SYT14: variants seen among roughly 807,000 people sequenced by gnomAD.
SYT14 encodes the protein synaptotagmin-14.
In SYT14, 32 loss-of-function variants were observed where a neutral mutation model predicts 74.2. That is an observed-to-expected ratio of 0.43 (90% CI 0.33 to 0.58). The LOEUF (loss-of-function observed/expected upper bound fraction) is 0.58. Ranked by LOEUF, SYT14 falls within the 20% of genes least tolerant of loss-of-function variation. SYT14 has a pLI of 0.05. For missense variants in SYT14, 791 were observed against 981.8 expected (o/e 0.81, Z 2.60); for synonymous variants, 298 against 337.7 (o/e 0.88, Z 1.29).
chr1:210,002,261 G>A (rs2079914905), intron 2 of SYT14, among the ~76,000 whole-genome samples: 1 of 151,950 alleles, frequency 6.6e-6, no homozygotes, highest in Non-Finnish European at 1.5e-5. Flanking sequence ...AAGCCCCCGT[G>A]CACTCTTCCT....
chr1:210,098,534 GAGAC>G (rs2082006228), intron 6 of SYT14, among the ~76,000 whole-genome samples: 2 of 152,118 alleles, frequency 1.3e-5, no homozygotes, highest in African/African-American at 4.8e-5. Context: ...TGAGAAGAGT[GAGAC>G]AGAGAGTAGA....
chr1:210,146,728 G>A (rs908260888), intron 7 of SYT14, among the ~76,000 whole-genome samples: 11 of 150,696 alleles, frequency 7.3e-5, no homozygotes, highest in South Asian at 2.1e-4. Context: ...ATGTACATAC[G>A]TAGTATATGT....
At chr1:210,147,235 T>C (rs752848167) in intron 7 of SYT14, among the ~76,000 whole-genome samples, 7 of 152,036 alleles carry the variant, frequency 4.6e-5, no homozygotes, top group Non-Finnish European at 1.0e-4. Context: ...ATTGAACTTC[T>C]AGAATGAAAA....
intron 5 of SYT14, among the ~76,000 whole-genome samples, chr1:210,038,741 C>G (rs1467319574): frequency 6.6e-6 from 1 of 151,942 alleles, no homozygotes; most frequent in Non-Finnish European, 1.5e-5. Context: ...AAAATGGGAC[C>G]CCACTCTCTT....
chr1:209,989,671 A>G (rs1294942978), intron 2 of SYT14, among the ~76,000 whole-genome samples: 1 of 152,174 alleles, frequency 6.6e-6, no homozygotes, highest in Admixed American at 6.5e-5. Context: ...ATATTTACGT[A>G]GAAGTTAAAT....
chr1:210,047,913 C>CA (rs1438835020), intron 5 of SYT14, among the ~76,000 whole-genome samples: 1 of 152,132 alleles, frequency 6.6e-6, no homozygotes, highest in East Asian at 1.9e-4. Flanking sequence ...GAGATGTCTT[C>CA]AGTGTGTTAC....
chr1:210,038,753 T>C (rs1174761497), intron 5 of SYT14, among the ~76,000 whole-genome samples: 1 of 152,136 alleles, frequency 6.6e-6, no homozygotes, highest in Non-Finnish European at 1.5e-5. Flanking sequence ...CACTCTCTTC[T>C]TGCTTATACA....
intron 2 of SYT14, among the ~76,000 whole-genome samples, chr1:209,988,942 C>T (rs2079617711): frequency 6.6e-6 from 1 of 152,192 alleles, no homozygotes; most frequent in Admixed American, 6.5e-5. Context: ...AACTTGAGCA[C>T]ACTTGGCTTC....
intron 7 of SYT14, among the ~76,000 whole-genome samples, chr1:210,128,508 A>G (rs1209722248): frequency 6.6e-6 from 1 of 152,216 alleles, no homozygotes; most frequent in Non-Finnish European, 1.5e-5. Flanking sequence ...TTTAATAAGA[A>G]CTTAGACTTG....
chr1:210,139,278 T>TTTTTTTTTTG (rs2082864767), intron 7 of SYT14, among the ~76,000 whole-genome samples: 1 of 147,800 alleles, frequency 6.8e-6, no homozygotes, highest in South Asian at 2.1e-4. Flanking sequence ...TTTTTTTTTT[T>TTTTTTTTTTG]TTTTTTTTTG....
Position 210,019,098 on chromosome 1 carries a change from T to C in SYT14, c.1097-1941T>C, listed in dbSNP as rs1358393066. ...TTGCAGTGAGCTGAGATCACGCCAC[T>C]GCACTCCAGACTGGCAACAGGGTGA... On this transcript the variant is annotated intron_variant, in intron 4 of 9. Coordinates refer to ENST00000637265, the Ensembl canonical transcript of SYT14. 1.2e-4 allele frequency among the ~76,000 whole-genome samples: 14 copies of C among 116,180 alleles called. No individual in the cohort carries two copies. The Admixed American group carries it at 1.6e-3, about 13-fold the overall frequency. 76.2% of individuals were successfully genotyped at this position (116,180 alleles called of 152,430 possible).
chr1:210,165,938 CAAGTGCTACAG>C (rs2083450899), exon 10 of SYT14: 1 of 152,112 alleles, frequency 6.6e-6, no homozygotes, highest in African/African-American at 2.4e-5. Context: ...GTTGTTGTTC[CAAGTGCTACAG>C]ATGCAGAGAT....
At chr1:210,116,337 GTTTTT>G (rs1351975777) in intron 7 of SYT14, among the ~76,000 whole-genome samples, 8 of 151,990 alleles carry the variant, frequency 5.3e-5, no homozygotes, top group African/African-American at 1.9e-4. Context: ...AACTTGTTTT[GTTTTT>G]GTTTTGTTTT....
chr1:210,080,621 T>C (rs2081599322), intron 5 of SYT14, among the ~76,000 whole-genome samples: 1 of 152,240 alleles, frequency 6.6e-6, no homozygotes, highest in African/African-American at 2.4e-5. Context: ...AAAATTGTGA[T>C]GTAGCAACTG....
chr1:210,132,791 A>G (rs2082704190), intron 7 of SYT14, among the ~76,000 whole-genome samples: 2 of 152,222 alleles, frequency 1.3e-5, no homozygotes, highest in East Asian at 1.9e-4. Flanking sequence ...GGAACTGTCC[A>G]TGGTACTGAC....
chr1:210,085,370 T>C (rs1476558464), intron 5 of SYT14, among the ~76,000 whole-genome samples: 3 of 152,216 alleles, frequency 2.0e-5, no homozygotes, highest in Admixed American at 1.3e-4. Context: ...ATCTTCTTTT[T>C]CTCCCCTTAT....
chr1:210,050,854 C>T (rs543916681), intron 5 of SYT14, among the ~76,000 whole-genome samples: 1 of 152,294 alleles, frequency 6.6e-6, no homozygotes, highest in African/African-American at 2.4e-5. Context: ...CCATGACACA[C>T]AGGAATTGTG....
chr1:210,143,310 A>T (rs991069499), intron 7 of SYT14, among the ~76,000 whole-genome samples: 2 of 152,216 alleles, frequency 1.3e-5, no homozygotes, highest in Admixed American at 6.5e-5. Flanking sequence ...TCGGTGAAAG[A>T]ATCAGGGAAA....
At chr1:210,051,494 CTTT>C (rs990166341) in intron 5 of SYT14, among the ~76,000 whole-genome samples, 3 of 152,068 alleles carry the variant, frequency 2.0e-5, no homozygotes, top group Non-Finnish European at 4.4e-5. Context: ...AATCCCATTT[CTTT>C]TTTATTTCTT....
Sources: gnomAD v4.1 joint callset for allele counts (sites outside exome capture counted in the v4.1 genomes callset) on GRCh38, gnomAD v4.1.1 for gene constraint, MANE v1.5 for transcripts, NCBI Gene and HGNC (gene_info 2026-07-23, HGNC 2026-07-21) for gene names.